RAB3GAP2: variants seen among roughly 807,000 people sequenced by gnomAD.
RAB3GAP2 encodes the protein rab3 GTPase-activating protein non-catalytic subunit.
A neutral mutation model predicts 185.3 loss-of-function variants in RAB3GAP2; 87 were observed. The ratio of observed to expected loss-of-function variants is 0.47; its 90% CI spans 0.39 to 0.56. The LOEUF (loss-of-function observed/expected upper bound fraction) is 0.56, where lower values mean the gene tolerates loss of function less well. Ranked by LOEUF, RAB3GAP2 falls within the 20% of genes least tolerant of loss-of-function variation. The pLI is 0.00. For missense variants in RAB3GAP2, 1,492 were observed against 1,638.2 expected (o/e 0.91, Z 1.54); for synonymous variants, 554 against 576.1 (o/e 0.96, Z 0.55).
chr1:220,202,413 G>A, intron 8 of RAB3GAP2, 39 bp from the exon 9 acceptor site: 1 of 1,584,740 alleles, frequency 6.3e-7, no homozygotes, highest in Non-Finnish European at 8.7e-7. Context: ...ACTTATTATG[G>A]ATAAAATGAA....
intron 2 of RAB3GAP2, among the ~76,000 whole-genome samples, chr1:220,221,298 A>G (rs566480517): frequency 4.1e-4 from 62 of 152,302 alleles, no homozygotes; most frequent in African/African-American, 1.5e-3. Context: ...GTTAAAGTAA[A>G]AAGGAAGGAG....
chr1:220,198,774 G>GCAGA (rs1403845480), intron 9 of RAB3GAP2, among the ~76,000 whole-genome samples: 3 of 151,892 alleles, frequency 2.0e-5, no homozygotes, highest in Non-Finnish European at 4.4e-5. Flanking sequence ...TTTTCCCTGA[G>GCAGA]CGTCTGAGGC....
At chr1:220,269,032 T>C (rs542035587) in intron 1 of RAB3GAP2, among the ~76,000 whole-genome samples, 2 of 152,184 alleles carry the variant, frequency 1.3e-5, no homozygotes, top group East Asian at 3.9e-4. Flanking sequence ...TACTGGACAG[T>C]AGAAATATAA....
rs1657743419 is a variant in RAB3GAP2, at chr1:220,151,093, G to T, written c.*158C>A. On this transcript the variant is annotated 3_prime_UTR_variant, in exon 35 of 35. Transcript: ENST00000358951. ...ACCAAAGGAGTGGAATTTAGCCAGG[G>T]TTGCACTTTTTAAAAGTTGTATATA... is the stretch of plus-strand genomic sequence containing the variant. The T allele has an allele frequency of 1.4e-6, 1 of 692,428 alleles. No individual in the cohort carries two copies. Among genetic ancestry groups the T allele is most frequent in the African/African-American group, 1.8e-5 (1 of 55,394 alleles). The allele number at this position is 692,428 out of a possible 1,614,324, so 42.9% of individuals were successfully genotyped here. A position where few individuals can be genotyped will look rare whatever the true frequency, so the allele number is the denominator to read the frequency against.
intron 1 of RAB3GAP2, among the ~76,000 whole-genome samples, chr1:220,241,991 C>T (rs907689561): frequency 2.0e-4 from 30 of 151,980 alleles, no homozygotes; most frequent in African/African-American, 7.2e-4. Context: ...TCTGCATGTT[C>T]TAGAGAAACC....
intron 1 of RAB3GAP2, among the ~76,000 whole-genome samples, chr1:220,271,449 C>G (rs1401195434): frequency 2.0e-5 from 3 of 152,112 alleles, no homozygotes; most frequent in Non-Finnish European, 4.4e-5. Context: ...AATAAACCAG[C>G]CTTGGAACTT....
intron 4 of RAB3GAP2, chr1:220,211,402 T>G (rs1476329418): frequency 2.2e-6 from 1 of 462,804 alleles, no homozygotes; most frequent in Admixed American, 2.3e-5. Context: ...GCCTCTTGTT[T>G]GAGATCAGGA....
Position 220,162,264 on chromosome 1 carries a change from A to G in RAB3GAP2, c.3159T>C (p.Ile1053=). The stretch of plus-strand genomic sequence containing the variant: ...AGAACGTATTCCACATCATCAGTGC[A>G]ATGCCTAGATAGCAAGTAAAAGTAG... The part of the protein sequence containing the change: ...QIFNAHVQNG[I]ALMMWNTFLV... The change falls in exon 28 of 35, where the codon ATT becomes ATC. Residue 1053 remains isoleucine (I), a synonymous_variant. Coordinates refer to ENST00000358951, the MANE Select transcript of RAB3GAP2 (RefSeq NM_012414.4). 1 of 1,587,766 alleles carries G rather than the reference A, an allele frequency of 6.3e-7. No homozygotes were observed. The highest frequency in any genetic ancestry group is 8.6e-7 in the Non-Finnish European group (1 of 1,156,196).
At chr1:220,257,641 C>G (rs1225063480) in intron 1 of RAB3GAP2, among the ~76,000 whole-genome samples, 1 of 152,014 alleles carries the variant, frequency 6.6e-6, no homozygotes, top group Admixed American at 6.6e-5. Flanking sequence ...CTCGACTTAA[C>G]AACCTAACAT....
In RAB3GAP2 at chr1:220,198,160, G is replaced by A. The variant is rs77116071; in HGVS notation, c.812-1762C>T. Among the ~76,000 whole-genome samples, 26 of 151,924 alleles carry A rather than the reference G, an allele frequency of 1.7e-4. 1 individual carries two copies. The East Asian group carries it at 4.6e-3, about 27-fold the overall frequency. On this transcript the variant is annotated intron_variant, in intron 9 of 34. Coordinates refer to ENST00000358951, the MANE Select transcript of RAB3GAP2 (RefSeq NM_012414.4). ...AAATATCCACAACCTCCCTACACTC[G>A]TTTCCCCCTACACACATACTCCTCT...
chr1:220,155,581 A>G (rs962027184), intron 31 of RAB3GAP2, among the ~76,000 whole-genome samples: 4 of 152,336 alleles, frequency 2.6e-5, no homozygotes, highest in African/African-American at 9.6e-5. Context: ...CATGTTGAAT[A>G]CAAGGAACCC....
intron 1 of RAB3GAP2, among the ~76,000 whole-genome samples, chr1:220,255,631 A>G (rs1291262111): frequency 6.6e-6 from 1 of 152,238 alleles, no homozygotes; most frequent in African/African-American, 2.4e-5. Flanking sequence ...AGATCACAAT[A>G]CAATCACAAG....
In RAB3GAP2 at chr1:220,174,635, T is replaced by C. The variant is rs182252156; in HGVS notation, c.2311-1893A>G. Reference sequence around the variant, plus strand: ...ATAGAAGGTCTTATTCTATTTTTTGTACCCATTAGAAACCTTTTTTAAAAA... The same window carrying C: ...ATAGAAGGTCTTATTCTATTTTTTGCACCCATTAGAAACCTTTTTTAAAAA... On this transcript the variant is annotated intron_variant, in intron 21 of 34. Coordinates refer to ENST00000358951, the MANE Select transcript of RAB3GAP2 (RefSeq NM_012414.4). Among the ~76,000 whole-genome samples the C allele has an allele frequency of 1.0e-3, 158 of 151,892 alleles. 1 individual carries two copies. The highest frequency in any genetic ancestry group is 4.6e-4 in the Non-Finnish European group (31 of 68,012).
At position 220,201,242 on chromosome 1, in the gene RAB3GAP2, C is replaced by T. The variant is rs139272003; in HGVS notation, c.811+1034G>A. Among the ~76,000 whole-genome samples, 30 of 151,988 alleles carry T rather than the reference C, an allele frequency of 2.0e-4. No individual in the cohort carries two copies. In the East Asian group the frequency reaches 4.9e-3, roughly 25 times the overall value. On this transcript the variant is annotated intron_variant, in intron 9 of 34. Transcript: ENST00000358951. ...CTTTTTTTTTTAAGCGATGGGGTCT[C>T]GCTATATTGCCCAGGTTGGTCTTGA...
Position 220,191,120 on chromosome 1 carries a change from T to G in RAB3GAP2, c.1435A>C (p.Ser479Arg). The G allele has an allele frequency of 6.2e-7, 1 of 1,614,044 alleles. No individual in the cohort carries two copies. The highest frequency in any genetic ancestry group is 8.5e-7 in the Non-Finnish European group (1 of 1,179,980). Residue 479 changes from serine to arginine, a missense_variant, in exon 14 of 35, where the codon AGC becomes CGC. Transcript: ENST00000358951. ...CCTACTCTAGGTCCCTGCTGTGTGC[T>G]CCACACTTCTAAAATTCCCCTTCTT... Reference protein sequence around the residue: ...APRRGILEVWSTQQGPRVGAF... With the variant: ...APRRGILEVWRTQQGPRVGAF...
Position 220,212,895 on chromosome 1 carries a change from G to A in RAB3GAP2, c.378C>T (p.Val126=), listed in dbSNP as rs1391168116. Residue 126 remains valine (V), a synonymous_variant, in exon 4 of 35, where the codon GTC becomes GTT. Coordinates refer to ENST00000358951, the MANE Select transcript of RAB3GAP2 (RefSeq NM_012414.4). ...AATTAACTGGCACCTACCCTTCTTC[G>A]ACATTTAAGGAACCACTCCAGCCAA... ...FAVGWSGSLN[V]EEGECVTSAL... is the part of the protein sequence containing the mutation. 1.9e-6 allele frequency: 3 copies of A among 1,612,090 alleles called. No individual in the cohort carries two copies. The highest frequency in any genetic ancestry group is 2.2e-5 in the East Asian group (1 of 44,812).
rs1027795595 is a variant in RAB3GAP2, at chr1:220,149,441, T to G, written c.*1810A>C. 1.3e-5 allele frequency: 2 copies of G among 152,212 alleles called. No individual in the cohort carries two copies. Among genetic ancestry groups the G allele is most frequent in the Non-Finnish European group, 2.9e-5 (2 of 68,034 alleles). The allele number at this position is 152,212 out of a possible 1,614,324, so 9.4% of individuals were successfully genotyped here. On this transcript the variant is annotated 3_prime_UTR_variant, in exon 35 of 35. Transcript: ENST00000358951. ...GCCAAGTGATGATGGAATTGAGGAT[T>G]TATTCTTTAAAAATACCTATAACTC... is the stretch of plus-strand genomic sequence containing the variant.
intron 21 of RAB3GAP2, among the ~76,000 whole-genome samples, chr1:220,180,427 CAAAT>C (rs1228239188): frequency 1.2e-4 from 18 of 151,970 alleles, no homozygotes; most frequent in African/African-American, 4.8e-5. Flanking sequence ...AGAAAAGACT[CAAAT>C]AAATAAAATC....
intron 1 of RAB3GAP2, among the ~76,000 whole-genome samples, chr1:220,237,011 A>G (rs775233429): frequency 3.4e-4 from 52 of 152,234 alleles, no homozygotes; most frequent in Middle Eastern, 3.2e-3. Flanking sequence ...CAAAAAAGCT[A>G]AAAATGGCTC....
Sources: allele counts gnomAD v4.1 joint callset (sites outside exome capture counted in the v4.1 genomes callset), GRCh38; gene constraint gnomAD v4.1.1; transcripts MANE v1.5; gene names NCBI Gene and HGNC (gene_info 2026-07-23, HGNC 2026-07-21).